ZYG11B: variants seen among roughly 807,000 people sequenced by gnomAD.
ZYG11B encodes the protein protein zyg-11 homolog B.
A neutral mutation model predicts 82.4 loss-of-function variants in ZYG11B; 36 were observed. The observed-to-expected ratio is 0.44, with a 90% CI of 0.33 to 0.58. The LOEUF (loss-of-function observed/expected upper bound fraction) is 0.58, where lower values mean the gene tolerates loss of function less well. ZYG11B is among the 20% of genes least tolerant of loss of function. The probability of loss-of-function intolerance (pLI) is 0.02; values close to 1 mark genes in which losing one functional copy is unlikely to be tolerated. For missense variants in ZYG11B, 552 were observed against 895.6 expected (o/e 0.62, Z 4.90); for synonymous variants, 303 against 312.8 (o/e 0.97, Z 0.33).
chr1:52,749,053 ATTAG>A (rs1267160072), intron 1 of ZYG11B, among the ~76,000 whole-genome samples: 1 of 151,594 alleles, frequency 6.6e-6, no homozygotes, highest in Non-Finnish European at 1.5e-5. Flanking sequence ...ATACAAAAAA[ATTAG>A]TTAAGTGTGG....
intron 13 of ZYG11B, 57 bp from the exon 14 acceptor site, chr1:52,821,382 A>G (rs1329182325): frequency 1.9e-5 from 29 of 1,489,520 alleles, no homozygotes; most frequent in Non-Finnish European, 2.5e-5. Context: ...ATAATTTTCA[A>G]GTGTTTTAAG....
At chr1:52,756,646 C>T in intron 2 of ZYG11B, 23 bp downstream of exon 2, 1 of 1,586,838 alleles carries the variant, frequency 6.3e-7, no homozygotes, top group Non-Finnish European at 8.6e-7. Flanking sequence ...ACAGAGGAAA[C>T]AAAAATTATG....
At chr1:52,793,868 T>TTCC (rs1644979935) in intron 6 of ZYG11B, among the ~76,000 whole-genome samples, 4 of 95,496 alleles carry the variant, frequency 4.2e-5, no homozygotes, top group African/African-American at 1.3e-4. Context: ...CTTTTCTTTC[T>TTCC]TTCCTTCCTT....
chr1:52,736,033 A>C (rs1356556656), intron 1 of ZYG11B, among the ~76,000 whole-genome samples: 1 of 152,198 alleles, frequency 6.6e-6, no homozygotes, highest in Non-Finnish European at 1.5e-5. Flanking sequence ...TATTGTGTAC[A>C]GAGTGTACTT....
At chr1:52,783,898 G>GTGTGTGTATGTACATCTATACATATA (rs1571776237) in intron 4 of ZYG11B, among the ~76,000 whole-genome samples, 21 of 98,724 alleles carry the variant, frequency 2.1e-4, no homozygotes, top group African/African-American at 1.6e-3. Flanking sequence ...ACATACACGT[G>GTGTGTGTATGTACATCTATACATATA]TGTGTATATA....
At chr1:52,729,234 A>G (rs1208181983) in intron 1 of ZYG11B, among the ~76,000 whole-genome samples, 2 of 152,166 alleles carry the variant, frequency 1.3e-5, no homozygotes, top group Non-Finnish European at 2.9e-5. Flanking sequence ...GTGGGCACTA[A>G]CTGGTGATCT....
intron 1 of ZYG11B, among the ~76,000 whole-genome samples, chr1:52,752,321 A>G (rs1394239236): frequency 6.6e-6 from 1 of 152,220 alleles, no homozygotes; most frequent in African/African-American, 2.4e-5. Context: ...AGGGCAACCT[A>G]TGGGGGAAGG....
intron 1 of ZYG11B, among the ~76,000 whole-genome samples, chr1:52,741,922 C>T (rs1044295013): frequency 5.9e-5 from 9 of 152,120 alleles, no homozygotes; most frequent in Non-Finnish European, 1.3e-4. Flanking sequence ...CAGTCTGACT[C>T]CCAAGCCCAC....
chr1:52,798,581 A>G (rs1232352727), intron 8 of ZYG11B, among the ~76,000 whole-genome samples: 2 of 152,194 alleles, frequency 1.3e-5, no homozygotes, highest in Non-Finnish European at 2.9e-5. Context: ...ACTGCACTCC[A>G]GCCTGGGTGA....
At chr1:52,756,393 C>T in intron 1 of ZYG11B, 65 bp from the exon 2 acceptor site, 6 of 1,503,104 alleles carry the variant, frequency 4.0e-6, no homozygotes, top group Non-Finnish European at 4.6e-6. Flanking sequence ...GTTTTGTTCT[C>T]TGCTTTTCTG....
chr1:52,821,887 A>T lies in ZYG11B; in HGVS notation c.*258A>T, dbSNP rs961305670. ...TCCACATCTTTCAGTGTTTGAACTT[A>T]CTTGTGCTTGAGATTCTACAGTTTT... On this transcript the variant is annotated 3_prime_UTR_variant, in exon 14 of 14. Coordinates refer to ENST00000294353, the MANE Select transcript of ZYG11B (RefSeq NM_024646.3). 1 of 331,732 alleles carries T rather than the reference A, an allele frequency of 3.0e-6. No homozygotes were observed. The highest frequency in any genetic ancestry group is 5.5e-6 in the Non-Finnish European group (1 of 183,460). The allele number at this position is 331,732 out of a possible 1,614,324, so 20.5% of individuals were successfully genotyped here.
chr1:52,762,724 G>C (rs936788696), intron 2 of ZYG11B, among the ~76,000 whole-genome samples: 7 of 151,984 alleles, frequency 4.6e-5, no homozygotes, highest in African/African-American at 1.7e-4. Flanking sequence ...GGGAGTTACA[G>C]GTGCCCGCCA....
chr1:52,768,644 G>T (rs138098593), intron 2 of ZYG11B, among the ~76,000 whole-genome samples: 3,907 of 149,580 alleles, frequency 0.026, 131 homozygotes, highest in East Asian at 0.17. Flanking sequence ...GCCCAGGCTG[G>T]AGTGCAGTGG....
chr1:52,740,415 A>G (rs571936290), intron 1 of ZYG11B, among the ~76,000 whole-genome samples: 1 of 152,274 alleles, frequency 6.6e-6, no homozygotes, highest in South Asian at 2.1e-4. Flanking sequence ...TTGCTTTTCA[A>G]TTTGTCATCT....
chr1:52,746,452 A>G (rs1419510632), intron 1 of ZYG11B, among the ~76,000 whole-genome samples: 1 of 152,090 alleles, frequency 6.6e-6, no homozygotes, highest in East Asian at 1.9e-4. Context: ...CCCCAAACCC[A>G]GCATAGTCCC....
intron 8 of ZYG11B, 103 bp from the exon 9 acceptor site, chr1:52,801,716 T>G (rs1645077108): frequency 2.1e-6 from 2 of 946,398 alleles, no homozygotes; most frequent in Non-Finnish European, 3.1e-6. Context: ...AGGAAATGCT[T>G]TAAGCCATGA....
intron 1 of ZYG11B, among the ~76,000 whole-genome samples, chr1:52,739,702 A>G (rs1644408750): frequency 6.6e-6 from 1 of 151,788 alleles, no homozygotes; most frequent in African/African-American, 2.4e-5. Flanking sequence ...GCTCACTACC[A>G]CCTCTGCCTC....
chr1:52,735,060 TTC>T (rs1450566651), intron 1 of ZYG11B, among the ~76,000 whole-genome samples: 6 of 140,932 alleles, frequency 4.3e-5, no homozygotes, highest in African/African-American at 1.6e-4. Flanking sequence ...GAGACGGAGT[TTC>T]TCTCGTTGCC....
chr1:52,743,463 ATAATGT>A (rs1157235919), intron 1 of ZYG11B, among the ~76,000 whole-genome samples: 1 of 151,656 alleles, frequency 6.6e-6, no homozygotes, highest in Non-Finnish European at 1.5e-5. Context: ...TTACAGTAAG[ATAATGT>A]TAATTTATTA....
Sources: allele counts gnomAD v4.1 joint callset (sites outside exome capture counted in the v4.1 genomes callset), GRCh38; gene constraint gnomAD v4.1.1; transcripts MANE v1.5; gene names NCBI Gene and HGNC (gene_info 2026-07-23, HGNC 2026-07-21).